Variants in STAT5B observed in about 807,000 individuals in gnomAD.
STAT5B encodes the protein signal transducer and activator of transcription 5B, also known as transcription factor STAT5B.
In STAT5B, 21 loss-of-function variants were observed where a neutral mutation model predicts 107.8. That is an observed-to-expected ratio of 0.19 (90% CI 0.14 to 0.28). The LOEUF is 0.28. Among genes scored for constraint, STAT5B ranks in the 10% least tolerant of loss-of-function variants. STAT5B has a pLI of 1.00. For synonymous variants in STAT5B, 325 were observed against 401.7 expected, an observed-to-expected ratio of 0.81 and a Z score of 2.28; for missense variants, 565 against 1,008.2, an observed-to-expected ratio of 0.56 and a Z score of 5.95.
chr17:42,259,543 T>C (rs2080576101), intron 1 of STAT5B, among the ~76,000 whole-genome samples: 1 of 152,074 alleles, frequency 6.6e-6, no homozygotes, highest in South Asian at 2.1e-4. Context: ...TCCTAACAGT[T>C]TGGAAGGCCA....
At chr17:42,284,654 G>A in the STAT5B span, among the ~76,000 whole-genome samples, 1 of 152,226 alleles carries the variant, frequency 6.6e-6, no homozygotes, top group African/African-American at 2.4e-5. Context: ...ATAGAGCAGG[G>A]GTGTAGGCTG....
chr17:42,243,527 T>A (rs16967593), intron 1 of STAT5B, among the ~76,000 whole-genome samples: 54,033 of 152,086 alleles, frequency 0.36, 10,728 homozygotes, highest in African/African-American at 0.53. Context: ...AATGGCCATG[T>A]CGTCTGCATC....
chr17:42,218,370 G>A (rs1400508657), intron 8 of STAT5B, 40 bp from the exon 9 acceptor site: 2 of 1,602,346 alleles, frequency 1.2e-6, no homozygotes, highest in Admixed American at 1.7e-5. Context: ...TGAGGGGCTG[G>A]TGCAGGGGAA....
chr17:42,262,942 A>ATATGTGTG (rs1321227515), intron 1 of STAT5B, among the ~76,000 whole-genome samples: 29 of 45,414 alleles, frequency 6.4e-4, no homozygotes, highest in Non-Finnish European at 9.6e-4. Flanking sequence ...ATGTATATAT[A>ATATGTGTG]TGTGTGTGTG....
At chr17:42,219,110 A>G (rs2080200554) in intron 7 of STAT5B, among the ~76,000 whole-genome samples, 1 of 152,158 alleles carries the variant, frequency 6.6e-6, no homozygotes, top group Non-Finnish European at 1.5e-5. Context: ...ACCCTGTCCC[A>G]TCTCCAGGAC....
chr17:42,284,805 C>G, the STAT5B span, among the ~76,000 whole-genome samples: 7 of 152,166 alleles, frequency 4.6e-5, no homozygotes, highest in Non-Finnish European at 8.8e-5. Context: ...CCACAAGGCC[C>G]GGCAACTTGG....
chr17:42,282,101 C>T, the STAT5B span, among the ~76,000 whole-genome samples: 2 of 152,142 alleles, frequency 1.3e-5, no homozygotes, highest in Admixed American at 6.5e-5. Context: ...TGCCCTGAAC[C>T]GTCAAAGCTC....
At chr17:42,214,058 G>A (rs934036239) in intron 12 of STAT5B, among the ~76,000 whole-genome samples, 14 of 151,596 alleles carry the variant, frequency 9.2e-5, no homozygotes, top group South Asian at 4.2e-4. Flanking sequence ...CAGGAGAATC[G>A]CTTGAATCCA....
intron 13 of STAT5B, among the ~76,000 whole-genome samples, chr17:42,211,256 C>A (rs924298427): frequency 6.6e-6 from 1 of 151,944 alleles, no homozygotes; most frequent in East Asian, 1.9e-4. Context: ...GCCTGTAATC[C>A]CAGCACTTTG....
In STAT5B at chr17:42,233,939, T is replaced by G. The variant is rs2080337810; in HGVS notation, c.-10-1802A>C. On this transcript the variant is annotated intron_variant, in intron 1 of 18. Coordinates refer to ENST00000293328, the MANE Select transcript of STAT5B (RefSeq NM_012448.4). ...CCAGATTAGGGCAGAAACATTTGGG[T>G]AGACTGGGAAGGGACTTCAGGTAAC... 3 of 152,142 alleles carry G rather than the reference T, an allele frequency of 2.0e-5. No homozygotes were observed. The South Asian group carries it at 6.2e-4, about 31-fold the overall frequency. The allele number at this position is 152,142 out of a possible 1,614,324, so 9.4% of individuals were successfully genotyped here. A position where few individuals can be genotyped will look rare whatever the true frequency, so the allele number is the denominator to read the frequency against.
the STAT5B span, among the ~76,000 whole-genome samples, chr17:42,283,110 C>T: frequency 6.6e-6 from 1 of 152,176 alleles, no homozygotes; most frequent in Non-Finnish European, 1.5e-5. Context: ...CGCACACAAC[C>T]CCCAGAGGGC....
chr17:42,279,079 G>C (rs1401241341), upstream of STAT5B, among the ~76,000 whole-genome samples: 2 of 151,712 alleles, frequency 1.3e-5, no homozygotes, highest in African/African-American at 4.8e-5. Context: ...GCCTCCCAAA[G>C]TGCTGGAATT....
At chr17:42,206,670 G>T (rs564122440) in intron 16 of STAT5B, among the ~76,000 whole-genome samples, 1 of 151,940 alleles carries the variant, frequency 6.6e-6, no homozygotes, top group Non-Finnish European at 1.5e-5. Flanking sequence ...CACCTCTCGG[G>T]TTCAAGCAAT....
At chr17:42,236,013 AT>A in intron 1 of STAT5B, among the ~76,000 whole-genome samples, 1 of 152,188 alleles carries the variant, frequency 6.6e-6, no homozygotes, top group Admixed American at 6.5e-5. Flanking sequence ...ATTTTAGATT[AT>A]TTCTTAGTTT....
intron 16 of STAT5B, among the ~76,000 whole-genome samples, chr17:42,206,957 A>G (rs2080090504): frequency 6.7e-6 from 1 of 150,226 alleles, no homozygotes; most frequent in African/African-American, 2.5e-5. Flanking sequence ...GCTCACTGCA[A>G]TCTCCACCTC....
At chr17:42,213,428 A>C (rs1167642738) in intron 12 of STAT5B, among the ~76,000 whole-genome samples, 1 of 152,126 alleles carries the variant, frequency 6.6e-6, no homozygotes, top group Non-Finnish European at 1.5e-5. Context: ...GCTGGCCTCA[A>C]ATTCCTGGGC....
Position 42,219,824 on chromosome 17 carries a change from G to T in STAT5B, c.569C>A (p.Ala190Asp), listed in dbSNP as rs777956676. The change falls in exon 6 of 19, where the codon GCC becomes GAC. Residue 190 changes from alanine to aspartate, a missense_variant. By Grantham distance (126) the Ala-to-Asp change is moderately radical. This residue lies in a region of STAT5B where 56 missense variants were observed against 104.5 expected (regional missense o/e 0.54). Transcript: ENST00000293328. Reference protein sequence around the residue: ...LRIQAQFGPLAQLSPQERLSR... With the variant: ...LRIQAQFGPLDQLSPQERLSR... ...CAGACGCTCCTGGGGGCTCAGCTGG[G>T]CCAGCGGGCCAAACTGAGCTAGAGG... is the stretch of plus-strand genomic sequence containing the variant. 1.9e-6 allele frequency: 3 copies of T among 1,614,174 alleles called. No individual in the cohort carries two copies. In the Admixed American group the frequency reaches 5.0e-5, roughly 27 times the overall value.
intron 15 of STAT5B, among the ~76,000 whole-genome samples, chr17:42,209,850 T>A (rs1376414396): frequency 2.0e-5 from 3 of 152,210 alleles, no homozygotes; most frequent in Admixed American, 6.5e-5. Flanking sequence ...TGCAGAGTAG[T>A]ACAATAAGGC....
chr17:42,249,712 G>C (rs2080482054), intron 1 of STAT5B, among the ~76,000 whole-genome samples: 1 of 152,030 alleles, frequency 6.6e-6, no homozygotes, highest in South Asian at 2.1e-4. Flanking sequence ...CCATGCTGGA[G>C]TGCAGTGGCG....
Sources: allele counts gnomAD v4.1 joint callset (sites outside exome capture counted in the v4.1 genomes callset), GRCh38; gene constraint gnomAD v4.1.1; regional missense constraint gnomAD v4.1.1; transcripts MANE v1.5; gene names NCBI Gene and HGNC (gene_info 2026-07-23, HGNC 2026-07-21).